Variants in NIPAL2 observed in about 807,000 individuals in gnomAD.
The protein encoded by NIPAL2 is NIPA-like protein 2.
NIPAL2 carries 43 observed loss-of-function variants against 48.9 expected under a neutral mutation model. The observed-to-expected ratio is 0.88, with a 90% confidence interval of 0.69 to 1.13. The LOEUF is 1.13. Ranked by LOEUF, NIPAL2 falls within the 50% of genes most tolerant of loss-of-function variation. The pLI is 0.00. For missense variants in NIPAL2, 446 were observed against 461.4 expected, an observed-to-expected ratio of 0.97 and a Z score of 0.31; for synonymous variants, 167 against 174.6, an observed-to-expected ratio of 0.96 and a Z score of 0.34.
chr8:98,263,028 A>G (rs1433867444), intron 1 of NIPAL2, among the ~76,000 whole-genome samples: 1 of 150,142 alleles, frequency 6.7e-6, no homozygotes, highest in African/African-American at 2.5e-5. Flanking sequence ...CTGAATGACT[A>G]CTGGGTACAT....
At position 98,280,761 on chromosome 8, in the gene NIPAL2, T is replaced by TATATATATATATATATAGAG; in HGVS notation, c.135+13241_135+13242insCTCTATATATATATATATAT. On this transcript the variant is annotated intron_variant, in intron 1 of 10. Coordinates refer to ENST00000430223, the MANE Select transcript of NIPAL2 (RefSeq NM_001321635.2). Reference sequence around the variant, plus strand: ...CTATATATATATATATATATATATATAGAGAGAGAGAGAGAGAGAGAGAGA... The same window carrying TATATATATATATATATAGAG: ...CTATATATATATATATATATATATATATATATATATATATATAGAGAGAGAGAGAGAGAGAGAGAGAGAGA... 1.2e-3 allele frequency among the ~76,000 whole-genome samples: 37 copies of TATATATATATATATATAGAG among 30,008 alleles called. 1 individual carries two copies. The highest frequency in any genetic ancestry group is 3.0e-3 in the South Asian group (2 of 670). The allele number at this position is 30,008 out of a possible 152,430, so 19.7% of individuals were successfully genotyped here.
At chr8:98,209,124 C>A (rs1811183030) in intron 6 of NIPAL2, among the ~76,000 whole-genome samples, 1 of 152,058 alleles carries the variant, frequency 6.6e-6, no homozygotes, top group Admixed American at 6.6e-5. Context: ...TTCTTTCATT[C>A]CCATAGTTAA....
chr8:98,222,691 T>C (rs1811961049), intron 4 of NIPAL2, 91 bp from the exon 5 acceptor site: 2 of 1,307,016 alleles, frequency 1.5e-6, no homozygotes, highest in Non-Finnish European at 2.2e-6. Context: ...GCATTACTTG[T>C]AAAAGTGCCA....
At chr8:98,293,048 C>T (rs1586507921) in intron 1 of NIPAL2, among the ~76,000 whole-genome samples, 3 of 152,300 alleles carry the variant, frequency 2.0e-5, no homozygotes, top group Middle Eastern at 6.8e-3. Flanking sequence ...AATATATTCT[C>T]TTCTGCATTC....
chr8:98,255,815 C>T (rs987741368), intron 1 of NIPAL2, among the ~76,000 whole-genome samples: 1 of 152,138 alleles, frequency 6.6e-6, no homozygotes, highest in African/African-American at 2.4e-5. Flanking sequence ...TATTTATTAA[C>T]ATCTCCCATA....
chr8:98,283,597 C>A (rs1418260082), intron 1 of NIPAL2, among the ~76,000 whole-genome samples: 1 of 152,136 alleles, frequency 6.6e-6, no homozygotes, highest in African/African-American at 2.4e-5. Context: ...TCCTTTGTTT[C>A]CAAAGAAGCA....
At chr8:98,288,522 G>A (rs1054304901) in intron 1 of NIPAL2, among the ~76,000 whole-genome samples, 2 of 151,508 alleles carry the variant, frequency 1.3e-5, no homozygotes, top group Admixed American at 1.3e-4. Flanking sequence ...TGTCTTTATA[G>A]CAGCATGATT....
intron 3 of NIPAL2, among the ~76,000 whole-genome samples, chr8:98,237,667 T>G (rs891948196): frequency 6.6e-6 from 1 of 152,310 alleles, no homozygotes; most frequent in Middle Eastern, 3.4e-3. Context: ...TGATAATCTG[T>G]AGCCCACCTT....
chr8:98,229,567 A>T (rs916100989), intron 4 of NIPAL2, among the ~76,000 whole-genome samples: 1 of 152,100 alleles, frequency 6.6e-6, no homozygotes, highest in Non-Finnish European at 1.5e-5. Context: ...TTGCAGAGAT[A>T]GGGTCTGGCC....
Position 98,222,550 on chromosome 8 carries a change from T to G in NIPAL2, c.487A>C (p.Asn163His). Reference protein sequence around the residue: ...GTYLLVNFAPNITQAISARTV... With the variant: ...GTYLLVNFAPHITQAISARTV... Reference sequence around the variant, plus strand: ...CTTGCTGAGATTGCCTGAGTTATATTTGGAGCAAAGTTCACCAGTAAATAT... The same window carrying G: ...CTTGCTGAGATTGCCTGAGTTATATGTGGAGCAAAGTTCACCAGTAAATAT... Residue 163 changes from asparagine to histidine, a missense_variant, in exon 5 of 11, where the codon AAT (asparagine) becomes CAT (histidine). Physicochemically the swap from Asn to His is moderately conservative, Grantham distance 68 (BLOSUM62 1). Transcript: ENST00000430223. 6.2e-7 allele frequency: 1 copy of G among 1,614,092 alleles called. No homozygotes were observed. The highest frequency in any genetic ancestry group is 1.3e-5 in the African/African-American group (1 of 75,052).
chr8:98,192,459 A>G lies in NIPAL2; in HGVS notation c.*519T>C, dbSNP rs1251000949. The G allele has an allele frequency of 6.6e-6, 1 of 152,662 alleles. No individual in the cohort carries two copies. Among genetic ancestry groups the G allele is most frequent in the East Asian group, 1.9e-4 (1 of 5,212 alleles). 9.5% of individuals were successfully genotyped at this position (152,662 alleles called of 1,614,324 possible). A position where few individuals can be genotyped will look rare whatever the true frequency, so the allele number is the denominator to read the frequency against. ...TTCAAAGGAGGACTTTGATAGCATT[A>G]GTTTTCAGAAAAGATGACTTGCAAT... On this transcript the variant is annotated 3_prime_UTR_variant, in exon 11 of 11. Transcript: ENST00000430223.
At chr8:98,207,708 T>C (rs1811107222) in intron 6 of NIPAL2, among the ~76,000 whole-genome samples, 1 of 152,210 alleles carries the variant, frequency 6.6e-6, no homozygotes, top group Admixed American at 6.5e-5. Context: ...CAAATCATTT[T>C]TGACATTTGG....
At chr8:98,284,799 A>AT (rs1297013167) in intron 1 of NIPAL2, among the ~76,000 whole-genome samples, 3 of 152,126 alleles carry the variant, frequency 2.0e-5, no homozygotes, top group African/African-American at 7.2e-5. Flanking sequence ...ACAGCATTAT[A>AT]TTTTCACACC....
intron 3 of NIPAL2, among the ~76,000 whole-genome samples, chr8:98,246,390 C>T (rs932398011): frequency 6.6e-6 from 1 of 152,162 alleles, no homozygotes; most frequent in African/African-American, 2.4e-5. Flanking sequence ...CTCATGCTCT[C>T]CTCATTTTCT....
intron 1 of NIPAL2, among the ~76,000 whole-genome samples, chr8:98,256,046 C>T (rs1351745257): frequency 1.3e-5 from 2 of 151,624 alleles, no homozygotes; most frequent in East Asian, 3.9e-4. Flanking sequence ...GACAGAATCT[C>T]GCTCTGTCAC....
intron 1 of NIPAL2, among the ~76,000 whole-genome samples, chr8:98,264,768 T>G (rs1814600191): frequency 6.6e-6 from 1 of 152,024 alleles, no homozygotes; most frequent in Non-Finnish European, 1.5e-5. Flanking sequence ...TTCATAGAAT[T>G]GGAAAAAACT....
intron 5 of NIPAL2, among the ~76,000 whole-genome samples, chr8:98,218,898 T>A (rs1811708069): frequency 6.6e-6 from 1 of 152,130 alleles, no homozygotes; most frequent in Middle Eastern, 3.2e-3. Context: ...CTTGTACCAG[T>A]GTTGATGACG....
chr8:98,194,806 G>GGAATGACA lies in NIPAL2; in HGVS notation c.953_960dup (p.Leu321CysfsTer69), dbSNP rs1393496442. ...TTTCTTGTGACCAAAAATACACCAA[G>GGAATGACA]GAATGACAGAAAACACCTGTAAGGA... On this transcript the variant is annotated frameshift_variant, in exon 10 of 11. Coordinates refer to ENST00000430223, the MANE Select transcript of NIPAL2 (RefSeq NM_001321635.2). LOFTEE classifies it high-confidence loss of function. 9 of 1,557,850 alleles carry GGAATGACA rather than the reference G, an allele frequency of 5.8e-6. No homozygotes were observed. The East Asian group carries it at 2.1e-4, about 36-fold the overall frequency.
At chr8:98,199,765 C>T (rs1162790727) in intron 8 of NIPAL2, among the ~76,000 whole-genome samples, 4 of 151,872 alleles carry the variant, frequency 2.6e-5, no homozygotes, top group Admixed American at 2.6e-4. Context: ...CAGACTTGTT[C>T]GATGCAGGAT....
Sources: allele counts gnomAD v4.1 joint callset (sites outside exome capture counted in the v4.1 genomes callset), GRCh38; gene constraint gnomAD v4.1.1; transcripts MANE v1.5; gene names NCBI Gene and HGNC (gene_info 2026-07-23, HGNC 2026-07-21).